The following SORCS2 variants were observed in gnomAD, a reference collection of about 807,000 sequenced individuals.
The protein encoded by SORCS2 is VPS10 domain-containing receptor SorCS2.
In SORCS2, 100 loss-of-function variants were observed where a neutral mutation model predicts 141.6. The observed-to-expected ratio is 0.71, with a 90% CI of 0.60 to 0.83. SORCS2 has a LOEUF of 0.83. Among genes scored for constraint, SORCS2 ranks in the 40% least tolerant of loss-of-function variants. The probability of loss-of-function intolerance (pLI) is 0.00; values close to 1 mark genes in which losing one functional copy is unlikely to be tolerated. For synonymous variants in SORCS2, 789 were observed against 676.9 expected, an observed-to-expected ratio of 1.17 and a Z score of -2.57; for missense variants, 1,646 against 1,560.2, an observed-to-expected ratio of 1.05 and a Z score of -0.93.
Position 7,725,242 on chromosome 4 carries a change from C to T in SORCS2, c.2700C>T (p.Asn900=), listed in dbSNP as rs748527491. The T allele has an allele frequency of 2.0e-5, 33 of 1,613,612 alleles. No individual in the cohort carries two copies. The highest frequency in any genetic ancestry group is 2.5e-5 in the Non-Finnish European group (30 of 1,179,648). ...TCACAGCTGTGCTGCTTCCCTTGAA[C>T]CCTAACCTCACCGTCTTCTACTGGT... The part of the protein sequence containing the change: ...VNLTAVLLPL[N]PNLTVFYWWI... Residue 900 remains asparagine, a synonymous_variant, in exon 20 of 27, where the codon AAC becomes AAT. Transcript: ENST00000507866.
rs1162093737 is a variant in SORCS2, at chr4:7,634,070, T to C, written c.649-4258T>C. 4.5e-5 allele frequency among the ~76,000 whole-genome samples: 4 copies of C among 89,054 alleles called. 1 individual carries two copies. The highest frequency in any genetic ancestry group is 8.4e-5 in the Non-Finnish European group (3 of 35,824). The allele number at this position is 89,054 out of a possible 152,430, so 58.4% of individuals were successfully genotyped here. On this transcript the variant is annotated intron_variant, in intron 3 of 26. Transcript: ENST00000507866. ...TTATCCAGGGAATCCACGTGCAGTG[T>C]ATGCAGAACTTTGGGAGGGACAGGC...
In SORCS2 at chr4:7,494,507, T is replaced by A. The variant is rs565919697; in HGVS notation, c.549-37023T>A. Reference sequence around the variant, plus strand: ...ATGTCTGCCTCCTCGCTGTGTCGTCTCATGGTGTAGAGAGAGAGAGAAAGC... The same window carrying A: ...ATGTCTGCCTCCTCGCTGTGTCGTCACATGGTGTAGAGAGAGAGAGAAAGC... On this transcript the variant is annotated intron_variant, in intron 2 of 26. Coordinates refer to ENST00000507866, the MANE Select transcript of SORCS2 (RefSeq NM_020777.3). Among the ~76,000 whole-genome samples the A allele has an allele frequency of 7.3e-4, 66 of 90,730 alleles. No homozygotes were observed. In the East Asian group the frequency reaches 0.017, roughly 23 times the overall value. 59.5% of individuals were successfully genotyped at this position (90,730 alleles called of 152,430 possible).
chr4:7,436,364 C>A (rs1240233876), intron 2 of SORCS2, among the ~76,000 whole-genome samples: 3 of 152,260 alleles, frequency 2.0e-5, no homozygotes, highest in Non-Finnish European at 4.4e-5. Context: ...AGGGCACCCA[C>A]TCGCATCCCA....
At chr4:7,641,810 A>ATGGGTGGG (rs1560449683) in intron 4 of SORCS2, among the ~76,000 whole-genome samples, 1 of 125,722 alleles carries the variant, frequency 8.0e-6, no homozygotes, top group African/African-American at 3.0e-5. Context: ...GGATGGATGG[A>ATGGGTGGG]TGGATGGGTG....
rs79044331 is a variant in SORCS2 at position 7,424,126 on chromosome 4, A to T, written c.548+27771A>T. 2.9e-4 allele frequency among the ~76,000 whole-genome samples: 44 copies of T among 152,238 alleles called. No individual in the cohort carries two copies. The South Asian group carries it at 8.3e-3, about 29-fold the overall frequency. ...TCCCTGGCCTGTCACCCTGGGTCTC[A>T]CATTGTTCCTGGCCATGTGTGAAAA... On this transcript the variant is annotated intron_variant, in intron 2 of 26. Transcript: ENST00000507866.
intron 2 of SORCS2, among the ~76,000 whole-genome samples, chr4:7,469,077 G>T (rs1729803449): frequency 6.6e-6 from 1 of 152,202 alleles, no homozygotes. Flanking sequence ...AAGACATGAT[G>T]GTGATTATAG....
chr4:7,588,819 G>C (rs1716712736), intron 3 of SORCS2, among the ~76,000 whole-genome samples: 1 of 152,236 alleles, frequency 6.6e-6, no homozygotes, highest in Admixed American at 6.5e-5. Flanking sequence ...ATCATGGTAT[G>C]AGCAAGACTT....
intron 2 of SORCS2, among the ~76,000 whole-genome samples, chr4:7,401,719 C>G (rs1181264828): frequency 6.6e-6 from 1 of 152,126 alleles, no homozygotes; most frequent in East Asian, 1.9e-4. Context: ...ACAAGGACCA[C>G]ACTAATGCTG....
At chr4:7,701,843 C>T (rs1725108019) in intron 12 of SORCS2, among the ~76,000 whole-genome samples, 1 of 152,180 alleles carries the variant, frequency 6.6e-6, no homozygotes, top group Non-Finnish European at 1.5e-5. Flanking sequence ...TCCAGCGTCC[C>T]CATGATTGTT....
Position 7,733,361 on chromosome 4 carries a change from A to G in SORCS2, c.3148A>G (p.Ile1050Val). 6.3e-7 allele frequency: 1 copy of G among 1,581,932 alleles called. No individual in the cohort carries two copies. The highest frequency in any genetic ancestry group is 8.6e-7 in the Non-Finnish European group (1 of 1,165,050). ...CCAGCAGGTGCTGAACGCACAGAAG[A>G]TCAGCTTCCTCCTGCGAGGCGGAGT... ...AIQQVLNAQK[I>V]SFLLRGGVRV... The change falls in exon 24 of 27, where the codon ATC becomes GTC. Residue 1050 changes from isoleucine (I) to valine (V), a missense_variant. Physicochemically the swap from Ile to Val is conservative, Grantham distance 29. Transcript: ENST00000507866.
intron 18 of SORCS2, among the ~76,000 whole-genome samples, chr4:7,723,436 C>G (rs1248546183): frequency 6.6e-6 from 1 of 152,188 alleles, no homozygotes; most frequent in Non-Finnish European, 1.5e-5. Context: ...CTCTCCCTCT[C>G]TGCCGCTGGG....
intron 10 of SORCS2, among the ~76,000 whole-genome samples, chr4:7,688,931 A>C (rs910760450): frequency 6.6e-5 from 10 of 152,184 alleles, no homozygotes; most frequent in African/African-American, 2.4e-4. Context: ...CTGTATCTCA[A>C]AGTGAGAGGG....
chr4:7,531,717 C>G (rs1472146286), intron 3 of SORCS2, 88 bp downstream of exon 3: 8 of 1,320,620 alleles, frequency 6.1e-6, no homozygotes, highest in Admixed American at 1.9e-5. Context: ...CCCTGCCCTG[C>G]TGTCTCCTAC....
chr4:7,733,874 G>A (rs1240865459), intron 24 of SORCS2, among the ~76,000 whole-genome samples: 3 of 152,308 alleles, frequency 2.0e-5, no homozygotes, highest in African/African-American at 7.2e-5. Flanking sequence ...CAAGGGGCGG[G>A]GACCTCTCCA....
intron 1 of SORCS2, among the ~76,000 whole-genome samples, chr4:7,318,402 C>A (rs1252124849): frequency 6.6e-6 from 1 of 152,180 alleles, no homozygotes; most frequent in Admixed American, 6.5e-5. Flanking sequence ...TAGGGAACCC[C>A]ATCCTGCCCT....
chr4:7,626,046 C>T (rs1719496264), intron 3 of SORCS2, among the ~76,000 whole-genome samples: 1 of 152,024 alleles, frequency 6.6e-6, no homozygotes, highest in South Asian at 2.1e-4. Context: ...ACTCAGAAGG[C>T]TGAGGCGGGA....
chr4:7,403,496 G>A (rs1352471080), intron 2 of SORCS2, among the ~76,000 whole-genome samples: 1 of 152,080 alleles, frequency 6.6e-6, no homozygotes. Flanking sequence ...GAGGAGGTTG[G>A]TGGGGTGGAG....
chr4:7,323,224 AG>A (rs1404534609), intron 1 of SORCS2, among the ~76,000 whole-genome samples: 1 of 152,238 alleles, frequency 6.6e-6, no homozygotes, highest in Non-Finnish European at 1.5e-5. Context: ...ACATAATGAT[AG>A]CAAAAGAACA....
chr4:7,237,119 G>A (rs971356225), intron 1 of SORCS2, among the ~76,000 whole-genome samples: 2 of 152,172 alleles, frequency 1.3e-5, no homozygotes, highest in African/African-American at 4.8e-5. Flanking sequence ...CCTCAAGTCC[G>A]GCCGAGAACA....
Sources: allele counts gnomAD v4.1 joint callset (sites outside exome capture counted in the v4.1 genomes callset), GRCh38; gene constraint gnomAD v4.1.1; transcripts MANE v1.5; gene names NCBI Gene and HGNC (gene_info 2026-07-23, HGNC 2026-07-21).